Variants in PCDH15 observed in about 807,000 individuals in gnomAD.
The protein encoded by PCDH15 is protocadherin-15.
In PCDH15, 129 loss-of-function variants were observed where a neutral mutation model predicts 178.5. The observed-to-expected ratio is 0.72, with a 90% CI of 0.63 to 0.84. The LOEUF is 0.84. Ranked by LOEUF, PCDH15 falls within the 40% of genes least tolerant of loss-of-function variation. PCDH15 has a pLI of 0.00. For synonymous variants in PCDH15, 800 were observed against 732.0 expected (o/e 1.09, Z -1.50); for missense variants, 2,230 against 2,099.9 (o/e 1.06, Z -1.21).
At position 55,084,317 on chromosome 10, in the gene PCDH15, T is replaced by C. The variant is rs1480706368; in HGVS notation, c.-80+82259A>G. Among the ~76,000 whole-genome samples the C allele has an allele frequency of 5.9e-5, 9 of 151,716 alleles. No individual in the cohort carries two copies. In the South Asian group the frequency reaches 1.9e-3, roughly 31 times the overall value. ...TTGAATAAGGCGCCAAGAGCGTACA[T>C]TGGGGAGAGAACAGTCTCTTCAAAA... On this transcript the variant is annotated intron_variant, in intron 2 of 5. Transcript: ENST00000458638.
chr10:54,185,014 G>T, intron 12 of PCDH15, 120 bp downstream of exon 12: 1 of 1,177,628 alleles, frequency 8.5e-7, no homozygotes, highest in East Asian at 2.6e-5. Context: ...TGAAAATAAT[G>T]TATTTTTCCC....
At chr10:55,179,610 G>A (rs1330401981) in intron 1 of PCDH15, among the ~76,000 whole-genome samples, 1 of 151,912 alleles carries the variant, frequency 6.6e-6, no homozygotes, top group Non-Finnish European at 1.5e-5. Context: ...CCCACTTACA[G>A]GTCCCCTCAG....
intron 13 of PCDH15, among the ~76,000 whole-genome samples, chr10:54,168,343 C>T (rs2046484723): frequency 6.6e-6 from 1 of 152,156 alleles, no homozygotes; most frequent in African/African-American, 2.4e-5. Context: ...TCCCTCCCGC[C>T]TGTCCCCTCA....
At chr10:53,809,360 C>T in intron 37 of PCDH15, 12 of 1,613,966 alleles carry the variant, frequency 7.4e-6, no homozygotes, top group Non-Finnish European at 1.0e-5. Context: ...CCCTCAAGGT[C>T]AACGATTCCT....
chr10:55,084,491 A>G (rs1487562435), intron 2 of PCDH15, among the ~76,000 whole-genome samples: 1 of 151,712 alleles, frequency 6.6e-6, no homozygotes, highest in Non-Finnish European at 1.5e-5. Context: ...AAACTTTTGG[A>G]AAACTCTCCA....
At chr10:55,376,098 AGAT>A (rs1440519768) in intron 2 of PCDH15, among the ~76,000 whole-genome samples, 4 of 152,044 alleles carry the variant, frequency 2.6e-5, no homozygotes, top group Non-Finnish European at 5.9e-5. Flanking sequence ...AGAATATATT[AGAT>A]GATAACTATT....
chr10:54,541,212 A>G (rs915546731), intron 2 of PCDH15, among the ~76,000 whole-genome samples: 7 of 152,132 alleles, frequency 4.6e-5, no homozygotes, highest in African/African-American at 1.7e-4. Flanking sequence ...ACACGAAACT[A>G]AAGAAGTCAA....
chr10:54,559,967 C>T (rs1173559031), intron 2 of PCDH15, among the ~76,000 whole-genome samples: 2 of 151,618 alleles, frequency 1.3e-5, no homozygotes, highest in South Asian at 2.1e-4. Context: ...AGTGTGTCCC[C>T]TTATTTATGT....
chr10:54,174,706 T>TTTTTTTTTTTTTTTTTTTTTTTTC (rs2047264171), intron 13 of PCDH15, among the ~76,000 whole-genome samples: 1 of 130,032 alleles, frequency 7.7e-6, no homozygotes, highest in Non-Finnish European at 1.6e-5. Flanking sequence ...TCTTTTCTTT[T>TTTTTTTTTTTTTTTTTTTTTTTTC]TTTTTTTTTT....
upstream of PCDH15, among the ~76,000 whole-genome samples, chr10:54,802,102 G>T (rs1952677799): frequency 6.6e-6 from 1 of 152,136 alleles, no homozygotes; most frequent in South Asian, 2.1e-4. Context: ...GGCTGAGGCT[G>T]GTTGAAAATG....
At position 55,582,195 on chromosome 10, in the gene PCDH15, A is replaced by G. The variant is rs570524115; in HGVS notation, c.-156+45430T>C. On this transcript the variant is annotated intron_variant, in intron 2 of 5. Coordinates refer to the PCDH15 transcript ENST00000613346. ...AAAGCCGTGCTGTACTGTGCAACCA[A>G]TCTAGAATCTCATAAAGTCTCATCC... 6.8e-4 allele frequency among the ~76,000 whole-genome samples: 104 copies of G among 152,216 alleles called. 1 individual carries two copies. The highest frequency in any genetic ancestry group is 2.9e-4 in the Non-Finnish European group (20 of 68,006).
chr10:53,937,765 T>TG (rs2134042724), intron 25 of PCDH15, among the ~76,000 whole-genome samples: 1 of 152,312 alleles, frequency 6.6e-6, no homozygotes, highest in East Asian at 1.9e-4. Flanking sequence ...TTCTGCCTGT[T>TG]GCTCCTGTCT....
chr10:54,175,849 T>G (rs1378079626), intron 13 of PCDH15, among the ~76,000 whole-genome samples: 1 of 152,186 alleles, frequency 6.6e-6, no homozygotes, highest in Non-Finnish European at 1.5e-5. Flanking sequence ...TCCTATGATA[T>G]ATTACCTATG....
intron 2 of PCDH15, among the ~76,000 whole-genome samples, chr10:55,392,259 A>G (rs1837811233): frequency 6.6e-6 from 1 of 152,204 alleles, no homozygotes; most frequent in South Asian, 2.1e-4. Flanking sequence ...ATTCTCTTGG[A>G]AAAATGGTGG....
intron 8 of PCDH15, among the ~76,000 whole-genome samples, chr10:54,293,606 C>G (rs1349793516): frequency 6.6e-6 from 1 of 151,974 alleles, no homozygotes; most frequent in Non-Finnish European, 1.5e-5. Context: ...ACAAAGAACT[C>G]AAACAAATTT....
chr10:54,112,606 T>A (rs2095046200), intron 15 of PCDH15, among the ~76,000 whole-genome samples: 2 of 152,304 alleles, frequency 1.3e-5, no homozygotes, highest in South Asian at 2.1e-4. Context: ...CATTCACTGA[T>A]TTCTACAGTC....
intron 3 of PCDH15, among the ~76,000 whole-genome samples, chr10:54,848,301 G>T (rs4935560): frequency 0.56 from 83,343 of 149,278 alleles, 23,591 homozygotes; most frequent in Middle Eastern, 0.65. Flanking sequence ...GAGAATCCTT[G>T]AACCTGGAAG....
chr10:55,282,367 C>T (rs1842756578), intron 1 of PCDH15, among the ~76,000 whole-genome samples: 1 of 152,156 alleles, frequency 6.6e-6, no homozygotes, highest in Non-Finnish European at 1.5e-5. Flanking sequence ...AAATATCATT[C>T]CTTGATTTAA....
At chr10:55,048,590 G>C (rs1841074442) in intron 2 of PCDH15, among the ~76,000 whole-genome samples, 1 of 151,864 alleles carries the variant, frequency 6.6e-6, no homozygotes. Context: ...AAGTGGTGTG[G>C]CATGGCCATT....
Sources: allele counts gnomAD v4.1 joint callset (sites outside exome capture counted in the v4.1 genomes callset), GRCh38; gene constraint gnomAD v4.1.1; transcripts MANE v1.5; gene names NCBI Gene and HGNC (gene_info 2026-07-23, HGNC 2026-07-21).